Variants in FAM169A observed in about 807,000 individuals in gnomAD.
FAM169A encodes family with sequence similarity 169 member A.
In FAM169A, 24 loss-of-function variants were observed where a neutral mutation model predicts 75.7. The observed-to-expected ratio is 0.32, with a 90% confidence interval of 0.23 to 0.45. The LOEUF (loss-of-function observed/expected upper bound fraction) is 0.45, where lower values mean the gene tolerates loss of function less well. Ranked by LOEUF, FAM169A falls within the 20% of genes least tolerant of loss-of-function variation. The pLI is 1.00. For synonymous variants in FAM169A, 271 were observed against 271.0 expected, an observed-to-expected ratio of 1.00 and a Z score of 0.00; for missense variants, 673 against 784.0, an observed-to-expected ratio of 0.86 and a Z score of 1.69.
At chr5:74,782,906 A>T (rs775627956) in intron 12 of FAM169A, 25 bp downstream of exon 12, 71 of 1,570,720 alleles carry the variant, frequency 4.5e-5, no homozygotes, top group Non-Finnish European at 6.1e-5. Flanking sequence ...AAACTTTATT[A>T]AAAAATAGCT....
intron 1 of FAM169A, among the ~76,000 whole-genome samples, chr5:74,846,630 C>A (rs1749170672): frequency 6.6e-6 from 1 of 152,156 alleles, no homozygotes. Context: ...AAAGTCATAA[C>A]ACAGAATCAC....
chr5:74,826,223 C>T (rs1011799077), intron 5 of FAM169A, among the ~76,000 whole-genome samples: 3 of 152,068 alleles, frequency 2.0e-5, no homozygotes, highest in African/African-American at 4.8e-5. Flanking sequence ...TTTTAAGGGC[C>T]ACATTTTTTG....
chr5:74,799,999 A>G (rs1746479696), intron 10 of FAM169A: 1 of 782,532 alleles, frequency 1.3e-6, no homozygotes, highest in African/African-American at 1.7e-5. Flanking sequence ...TATGAGGTGG[A>G]TGAGAAAGAT....
chr5:74,802,964 C>T (rs1746665977), intron 8 of FAM169A, among the ~76,000 whole-genome samples: 1 of 151,974 alleles, frequency 6.6e-6, no homozygotes, highest in South Asian at 2.1e-4. Flanking sequence ...AAGAATAAAT[C>T]ATGTAGTTGA....
At chr5:74,847,571 G>A (rs6873067) in intron 1 of FAM169A, among the ~76,000 whole-genome samples, 44,446 of 151,894 alleles carry the variant, frequency 0.29, 7,938 homozygotes, top group African/African-American at 0.5. Flanking sequence ...CACCAATTTG[G>A]TATATTAGAT....
At chr5:74,816,806 A>C (rs1427533505) in intron 5 of FAM169A, among the ~76,000 whole-genome samples, 1 of 152,116 alleles carries the variant, frequency 6.6e-6, no homozygotes, top group Non-Finnish European at 1.5e-5. Flanking sequence ...ATATTCCTCA[A>C]AATTCCACAT....
intron 5 of FAM169A, among the ~76,000 whole-genome samples, chr5:74,827,685 G>C: frequency 1.0e-5 from 1 of 96,856 alleles, no homozygotes; most frequent in South Asian, 3.2e-4. Flanking sequence ...TTTTTTTTTT[G>C]AGATGGAGTG....
intron 1 of FAM169A, among the ~76,000 whole-genome samples, chr5:74,858,144 T>C (rs1296340752): frequency 1.3e-5 from 2 of 150,722 alleles, no homozygotes; most frequent in Non-Finnish European, 2.9e-5. Context: ...TCCCAGTACT[T>C]TGGGAGGCCA....
At chr5:74,782,548 GT>G (rs1561284303) in intron 12 of FAM169A, among the ~76,000 whole-genome samples, 1 of 152,108 alleles carries the variant, frequency 6.6e-6, no homozygotes, top group African/African-American at 2.4e-5. Flanking sequence ...ACTCCAACAA[GT>G]TTTTTCCCCC....
At chr5:74,793,473 C>T (rs536418395) in intron 11 of FAM169A, among the ~76,000 whole-genome samples, 2 of 152,220 alleles carry the variant, frequency 1.3e-5, no homozygotes, top group South Asian at 2.1e-4. Flanking sequence ...AACCAAACAT[C>T]GTATGTTCTC....
chr5:74,849,992 A>G (rs530390017), intron 1 of FAM169A, among the ~76,000 whole-genome samples: 1 of 152,332 alleles, frequency 6.6e-6, no homozygotes, highest in African/African-American at 2.4e-5. Flanking sequence ...AATGGGATTC[A>G]TATCTGTTGG....
chr5:74,844,792 G>A (rs2112688400), intron 1 of FAM169A, among the ~76,000 whole-genome samples: 1 of 152,274 alleles, frequency 6.6e-6, no homozygotes, highest in Admixed American at 6.5e-5. Flanking sequence ...ACTCCAGCCT[G>A]GGTGACAGAG....
chr5:74,842,512 A>G (rs1302261049), intron 1 of FAM169A, among the ~76,000 whole-genome samples: 2 of 133,208 alleles, frequency 1.5e-5, no homozygotes, highest in African/African-American at 2.7e-5. Flanking sequence ...ATAAATTATA[A>G]TTCTCATATA....
At chr5:74,852,878 T>A (rs908110932) in intron 1 of FAM169A, among the ~76,000 whole-genome samples, 1 of 152,160 alleles carries the variant, frequency 6.6e-6, no homozygotes, top group Non-Finnish European at 1.5e-5. Context: ...GACAGCTACA[T>A]ATAGGTTGGA....
rs1158000950 is a variant in FAM169A, at chr5:74,781,518, A to G, written c.1955T>C (p.Leu652Ser). 1 of 1,614,168 alleles carries G rather than the reference A, an allele frequency of 6.2e-7. No homozygotes were observed. The highest frequency in any genetic ancestry group is 1.1e-5 in the South Asian group (1 of 91,080). The part of the protein sequence containing the change: ...VEVPVVDRRN[L>S]RRKAKGHKGP... Reference sequence around the variant, plus strand: ...TTTATGCCCTTTGGCCTTTCTTCTTAAATTCCGCCTGTCTACCACAGGCAC... The same window carrying G: ...TTTATGCCCTTTGGCCTTTCTTCTTGAATTCCGCCTGTCTACCACAGGCAC... The change falls in exon 13 of 13, where the codon TTA becomes TCA. Residue 652 changes from leucine to serine, a missense_variant. By Grantham distance (145) the Leu-to-Ser change is moderately radical. This residue lies in a region of FAM169A where 510 missense variants were observed against 550.9 expected (regional missense o/e 0.93). Transcript: ENST00000687041.
Position 74,778,642 on chromosome 5 carries a change from A to T in FAM169A, c.*2818T>A, listed in dbSNP as rs896186430. ...CTCTCACCTTTAAAAGTTGTAGAGG[A>T]GCTTTATAATAAATTCTTAAATATA... On this transcript the variant is annotated 3_prime_UTR_variant, in exon 13 of 13. Transcript: ENST00000687041. 5 of 152,068 alleles carry T rather than the reference A, an allele frequency of 3.3e-5. No homozygotes were observed. Among genetic ancestry groups the T allele is most frequent in the Non-Finnish European group, 7.4e-5 (5 of 67,916 alleles). The allele number at this position is 152,068 out of a possible 1,614,324, so 9.4% of individuals were successfully genotyped here.
chr5:74,843,457 T>C (rs1196268555), intron 1 of FAM169A, among the ~76,000 whole-genome samples: 1 of 152,164 alleles, frequency 6.6e-6, no homozygotes, highest in Non-Finnish European at 1.5e-5. Context: ...ACTTCTATAA[T>C]TAAAACAATG....
At chr5:74,830,033 G>A (rs1217375186) in intron 5 of FAM169A, among the ~76,000 whole-genome samples, 4 of 152,144 alleles carry the variant, frequency 2.6e-5, no homozygotes, top group African/African-American at 9.7e-5. Context: ...ATTCCCTAAG[G>A]TGGTAGCATT....
Position 74,783,119 on chromosome 5 carries a change from G to C in FAM169A, c.1276C>G (p.Pro426Ala). The part of the protein sequence containing the change: ...QDGEKESELE[P>A]MNGEIMDDSL... ...TCGTCCATTATCTCACCATTCATAG[G>C]CTCTAATTCAGATTCCTACACCATG... Residue 426 changes from proline to alanine, a missense_variant, in exon 12 of 13, where the codon CCT becomes GCT. Pro to Ala is a conservative substitution (Grantham distance 27). This residue lies in a region of FAM169A where 510 missense variants were observed against 550.9 expected (regional missense o/e 0.93). Transcript: ENST00000687041. 1.2e-6 allele frequency: 2 copies of C among 1,611,558 alleles called. No individual in the cohort carries two copies. Among genetic ancestry groups the C allele is most frequent in the Non-Finnish European group, 1.7e-6 (2 of 1,178,254 alleles).
Sources: allele counts gnomAD v4.1 joint callset (sites outside exome capture counted in the v4.1 genomes callset), GRCh38; gene constraint gnomAD v4.1.1; regional missense constraint gnomAD v4.1.1; transcripts MANE v1.5; gene names NCBI Gene and HGNC (gene_info 2026-07-23, HGNC 2026-07-21).